PRKCB: variants seen among roughly 807,000 people sequenced by gnomAD.
The protein encoded by PRKCB is protein kinase C beta, also known as protein kinase C beta type.
Under a neutral mutation model 81.5 loss-of-function variants are expected in PRKCB, and 13 were observed. The observed-to-expected ratio is 0.16, with a 90% CI of 0.10 to 0.25. The LOEUF is 0.25. PRKCB is among the 10% of genes least tolerant of loss of function. PRKCB has a pLI of 1.00. For synonymous variants in PRKCB, 335 were observed against 321.4 expected (o/e 1.04, Z -0.45); for missense variants, 509 against 875.7 (o/e 0.58, Z 5.29).
intron 12 of PRKCB, among the ~76,000 whole-genome samples, chr16:24,178,376 A>G (rs1269450785): frequency 1.3e-5 from 2 of 152,230 alleles, no homozygotes; most frequent in South Asian, 2.1e-4. Flanking sequence ...AAAACACTGT[A>G]TGTGACAGTG....
At chr16:23,935,097 A>G (rs561590590) in intron 2 of PRKCB, among the ~76,000 whole-genome samples, 2 of 152,238 alleles carry the variant, frequency 1.3e-5, no homozygotes, top group Admixed American at 6.5e-5. Context: ...TAATAGGTAC[A>G]AACTGGGAAC....
chr16:24,081,676 C>A (rs574334366), intron 5 of PRKCB, among the ~76,000 whole-genome samples: 2 of 152,028 alleles, frequency 1.3e-5, no homozygotes, highest in African/African-American at 2.4e-5. Context: ...AGTTCGAGAC[C>A]AACCTGGCCA....
In PRKCB at chr16:24,216,484, C is replaced by T; in HGVS notation, c.*1668C>T. The T allele has an allele frequency of 1.0e-6, 1 of 985,446 alleles. No individual in the cohort carries two copies. Among genetic ancestry groups the T allele is most frequent in the Non-Finnish European group, 1.2e-6 (1 of 829,938 alleles). The allele number at this position is 985,446 out of a possible 1,614,324, so 61.0% of individuals were successfully genotyped here. Reference sequence around the variant, plus strand: ...TTCTCAGGCAGCTCTAAGGAGAATTCTTATCACAGTTCAAGTGATTTCCAG... The same window carrying T: ...TTCTCAGGCAGCTCTAAGGAGAATTTTTATCACAGTTCAAGTGATTTCCAG... On this transcript the variant is annotated 3_prime_UTR_variant, in exon 17 of 17. Coordinates refer to ENST00000643927, the MANE Select transcript of PRKCB (RefSeq NM_002738.7).
chr16:24,066,074 C>CGT (rs1567362240), intron 5 of PRKCB, among the ~76,000 whole-genome samples: 9 of 73,266 alleles, frequency 1.2e-4, no homozygotes, highest in Non-Finnish European at 2.1e-4. Context: ...CTGTGATGTT[C>CGT]CTGTGTGTGT....
At chr16:23,878,130 G>A (rs560816963) in intron 2 of PRKCB, among the ~76,000 whole-genome samples, 3 of 152,172 alleles carry the variant, frequency 2.0e-5, no homozygotes, top group African/African-American at 4.8e-5. Context: ...CACCGCACCC[G>A]GCCTGTCACT....
intron 5 of PRKCB, among the ~76,000 whole-genome samples, chr16:24,088,678 G>C (rs775182225): frequency 6.8e-6 from 1 of 147,420 alleles, no homozygotes; most frequent in Non-Finnish European, 1.5e-5. Flanking sequence ...GCAGTGAGCC[G>C]TGATCGCGCC....
At chr16:23,892,081 C>T (rs1044080277) in intron 2 of PRKCB, among the ~76,000 whole-genome samples, 1 of 152,122 alleles carries the variant, frequency 6.6e-6, no homozygotes, top group South Asian at 2.1e-4. Flanking sequence ...GTGACATTTG[C>T]TGAAACAAAT....
intron 2 of PRKCB, among the ~76,000 whole-genome samples, chr16:23,857,375 G>A (rs1235389944): frequency 6.6e-6 from 1 of 152,174 alleles, no homozygotes; most frequent in Non-Finnish European, 1.5e-5. Flanking sequence ...GGGAGGAGGA[G>A]GTGTTTAGGG....
At chr16:24,070,597 C>T (rs113251309) in intron 5 of PRKCB, among the ~76,000 whole-genome samples, 16 of 152,248 alleles carry the variant, frequency 1.1e-4, no homozygotes, top group African/African-American at 2.6e-4. Context: ...GTCATTACAA[C>T]GCATATAATA....
intron 2 of PRKCB, among the ~76,000 whole-genome samples, chr16:23,945,601 T>C (rs1964195583): frequency 6.6e-6 from 1 of 152,014 alleles, no homozygotes; most frequent in South Asian, 2.1e-4. Context: ...CTCAGCTTCC[T>C]AGAAGTCACA....
chr16:24,212,914 A>C (rs1299112654), intron 16 of PRKCB, among the ~76,000 whole-genome samples: 3 of 151,764 alleles, frequency 2.0e-5, no homozygotes, highest in African/African-American at 7.3e-5. Context: ...TGTCATTCAA[A>C]CCAGAGACTT....
At chr16:23,990,290 C>T (rs967386012) in intron 3 of PRKCB, among the ~76,000 whole-genome samples, 1 of 151,850 alleles carries the variant, frequency 6.6e-6, no homozygotes, top group African/African-American at 2.4e-5. Flanking sequence ...AACCCCGTCT[C>T]TACTAAAAAT....
intron 16 of PRKCB, among the ~76,000 whole-genome samples, chr16:24,193,468 T>TA (rs376463151): frequency 1.0e-3 from 104 of 103,564 alleles, no homozygotes; most frequent in African/African-American, 2.4e-3. Flanking sequence ...AATAAATAAA[T>TA]AAATAAATAA....
At chr16:23,896,934 A>G (rs1476777823) in intron 2 of PRKCB, among the ~76,000 whole-genome samples, 3 of 151,732 alleles carry the variant, frequency 2.0e-5, no homozygotes, top group East Asian at 1.9e-4. Flanking sequence ...CCACTCATCC[A>G]TCCATTCATC....
chr16:23,858,748 A>C (rs1198723627), intron 2 of PRKCB, among the ~76,000 whole-genome samples: 1 of 152,138 alleles, frequency 6.6e-6, no homozygotes, highest in Non-Finnish European at 1.5e-5. Context: ...TGGAAGGAAG[A>C]GGGTTACATA....
intron 5 of PRKCB, among the ~76,000 whole-genome samples, chr16:24,059,309 G>T (rs1277738271): frequency 6.6e-6 from 1 of 152,090 alleles, no homozygotes; most frequent in Non-Finnish European, 1.5e-5. Context: ...CTGGGAAATG[G>T]AGCCACTTCA....
intron 2 of PRKCB, among the ~76,000 whole-genome samples, chr16:23,979,967 C>T (rs1057130514): frequency 1.3e-5 from 2 of 152,198 alleles, no homozygotes; most frequent in Non-Finnish European, 2.9e-5. Context: ...TGCCTGTAGT[C>T]CCATCTACTC....
At chr16:24,038,467 G>A (rs936516218) in intron 5 of PRKCB, among the ~76,000 whole-genome samples, 5 of 152,268 alleles carry the variant, frequency 3.3e-5, no homozygotes, top group Non-Finnish European at 1.5e-5. Flanking sequence ...ATCATGGAAG[G>A]GAAAACGAAG....
chr16:24,214,743 A>G lies in PRKCB; in HGVS notation c.1949A>G (p.Asn650Ser), dbSNP rs561468141. ...CCTCCCGACCAGGAAGTCATCAGGA[A>G]TATTGACCAATCAGAATTCGAAGGA... Reference protein sequence around the residue: ...LTPPDQEVIRNIDQSEFEGFS... With the variant: ...LTPPDQEVIRSIDQSEFEGFS... The change falls in exon 17 of 17, where the codon AAT (asparagine) becomes AGT (serine). Residue 650 changes from asparagine (N) to serine (S), a missense_variant. By Grantham distance (46) the Asn-to-Ser change is conservative. Around this residue, in one of 6 missense-constraint regions of PRKCB, gnomAD observed 104 missense variants for 160.5 expected, o/e 0.65. Coordinates refer to ENST00000643927, the MANE Select transcript of PRKCB (RefSeq NM_002738.7). 5 of 1,614,252 alleles carry G rather than the reference A, an allele frequency of 3.1e-6. No homozygotes were observed. The highest frequency in any genetic ancestry group is 4.5e-5 in the East Asian group (2 of 44,884).
Sources: allele counts gnomAD v4.1 joint callset (sites outside exome capture counted in the v4.1 genomes callset), GRCh38; gene constraint gnomAD v4.1.1; regional missense constraint gnomAD v4.1.1; transcripts MANE v1.5; gene names NCBI Gene and HGNC (gene_info 2026-07-23, HGNC 2026-07-21).